The following LRRC8C variants were observed in gnomAD, a reference collection of about 807,000 sequenced individuals.
LRRC8C encodes the protein leucine rich repeat containing 8 VRAC subunit C, also known as volume-regulated anion channel subunit LRRC8C.
In LRRC8C, 20 loss-of-function variants were observed where a neutral mutation model predicts 55.3. The ratio of observed to expected loss-of-function variants is 0.36; its 90% confidence interval spans 0.25 to 0.53. The LOEUF (loss-of-function observed/expected upper bound fraction) is 0.53. Ranked by LOEUF, LRRC8C falls within the 20% of genes least tolerant of loss-of-function variation. The pLI is 0.92. For synonymous variants in LRRC8C, 376 were observed against 360.7 expected (o/e 1.04, Z -0.48); for missense variants, 659 against 951.4 (o/e 0.69, Z 4.04).
In LRRC8C at chr1:89,713,034, T is replaced by C. The variant is rs1658701253; in HGVS notation, c.464T>C (p.Ile155Thr). 6.2e-7 allele frequency: 1 copy of C among 1,614,094 alleles called. No homozygotes were observed. Among genetic ancestry groups the C allele is most frequent in the Admixed American group, 1.7e-5 (1 of 60,012 alleles). ...AAATTCCCTGGTTCCAGCTCCAAAATAGAACATTTCATCTCCATTCTGGGG... is the reference window on the plus strand; with the variant it reads ...AAATTCCCTGGTTCCAGCTCCAAAACAGAACATTTCATCTCCATTCTGGGG... ...WFKFPGSSSK[I>T]EHFISILGKC... is the part of the protein sequence containing the mutation. Residue 155 changes from isoleucine (I) to threonine (T), a missense_variant, in exon 3 of 3, where the codon ATA becomes ACA. Ile to Thr is a moderately conservative substitution (Grantham distance 89, BLOSUM62 -1). Transcript: ENST00000370454. This position sits in a 1 kb window ranked among gnomAD's most constrained non-coding sequence, Gnocchi z 5.2.
At chr1:89,685,968 A>G (rs1295227368) in intron 1 of LRRC8C, among the ~76,000 whole-genome samples, 1 of 152,278 alleles carries the variant, frequency 6.6e-6, no homozygotes, top group South Asian at 2.1e-4. Context: ...TTTCCCATGG[A>G]ACAAGCAAAA....
At chr1:89,643,711 C>G (rs1656534858) in intron 1 of LRRC8C, among the ~76,000 whole-genome samples, 1 of 152,126 alleles carries the variant, frequency 6.6e-6, no homozygotes, top group Non-Finnish European at 1.5e-5. Flanking sequence ...TTTATTGTCA[C>G]AGCTTTTCCT....
intron 1 of LRRC8C, among the ~76,000 whole-genome samples, chr1:89,656,579 A>T (rs903546855): frequency 5.9e-5 from 9 of 152,144 alleles, no homozygotes; most frequent in Non-Finnish European, 1.3e-4. Context: ...CATTTCACAG[A>T]GTTTGGTTTC....
At chr1:89,620,337 A>T in the LRRC8C span, among the ~76,000 whole-genome samples, 1 of 152,226 alleles carries the variant, frequency 6.6e-6, no homozygotes, top group Non-Finnish European at 1.5e-5. Flanking sequence ...ACCATAGGAA[A>T]GCATTTACAG....
chr1:89,702,277 G>A (rs148843593), intron 2 of LRRC8C, among the ~76,000 whole-genome samples: 133 of 151,962 alleles, frequency 8.8e-4, no homozygotes, highest in East Asian at 7.7e-3. Context: ...CTCAGGATGC[G>A]TCTACCACCC....
At chr1:89,707,651 AGTGTGTGTGT>A (rs34052147) in intron 2 of LRRC8C, among the ~76,000 whole-genome samples, 1 of 139,964 alleles carries the variant, frequency 7.1e-6, no homozygotes, top group African/African-American at 3.1e-5. Flanking sequence ...TGTGTGTGTG[AGTGTGTGTGT>A]GTGTGTGTGT....
At chr1:89,687,623 A>AT (rs1181938585) in intron 2 of LRRC8C, among the ~76,000 whole-genome samples, 1 of 152,222 alleles carries the variant, frequency 6.6e-6, no homozygotes, top group Non-Finnish European at 1.5e-5. Flanking sequence ...AGGGGCAGCC[A>AT]TAAGGACAGA....
intron 1 of LRRC8C, among the ~76,000 whole-genome samples, chr1:89,649,367 T>A (rs1656697674): frequency 6.6e-6 from 1 of 152,204 alleles, no homozygotes; most frequent in Non-Finnish European, 1.5e-5. Context: ...AAAGTTCTAG[T>A]TAAATATGGA....
the LRRC8C span, among the ~76,000 whole-genome samples, chr1:89,619,063 T>C: frequency 1.3e-5 from 2 of 152,242 alleles, no homozygotes; most frequent in South Asian, 2.1e-4. Context: ...TATCCCTTTA[T>C]AGATCATGTA....
intron 1 of LRRC8C, among the ~76,000 whole-genome samples, chr1:89,669,324 T>G (rs1438440350): frequency 6.6e-6 from 1 of 152,142 alleles, no homozygotes; most frequent in Non-Finnish European, 1.5e-5. Flanking sequence ...GGCATAAAGT[T>G]TCTGTTTGCA....
intron 1 of LRRC8C, among the ~76,000 whole-genome samples, chr1:89,662,567 G>A (rs1406821142): frequency 1.3e-5 from 2 of 152,100 alleles, no homozygotes; most frequent in African/African-American, 4.8e-5. Context: ...AGATGATGGT[G>A]GCTTGGATCG....
the LRRC8C span, among the ~76,000 whole-genome samples, chr1:89,619,876 C>G: frequency 6.6e-6 from 1 of 152,078 alleles, no homozygotes; most frequent in Non-Finnish European, 1.5e-5. Context: ...TATAATTACC[C>G]CCATTTATTT....
intron 1 of LRRC8C, among the ~76,000 whole-genome samples, chr1:89,659,798 A>G (rs1464945426): frequency 1.3e-5 from 2 of 152,210 alleles, no homozygotes; most frequent in Admixed American, 1.3e-4. Flanking sequence ...CATGTGGACT[A>G]GCTCTGTGTC....
chr1:89,678,078 C>T (rs772914091), intron 1 of LRRC8C, among the ~76,000 whole-genome samples: 3 of 152,196 alleles, frequency 2.0e-5, no homozygotes, highest in Non-Finnish European at 2.9e-5. Flanking sequence ...CATTTCTGTT[C>T]GTTACCTCTT....
At chr1:89,677,849 AAC>A (rs1657592357) in intron 1 of LRRC8C, among the ~76,000 whole-genome samples, 1 of 152,360 alleles carries the variant, frequency 6.6e-6, no homozygotes, top group East Asian at 1.9e-4. Context: ...TGTACAATAA[AAC>A]ACAATCTACA....
Position 89,714,514 on chromosome 1 carries a change from C to T in LRRC8C, c.1944C>T (p.Ser648=). Residue 648 remains serine, a synonymous_variant, in exon 3 of 3, where the codon AGC becomes AGT. Coordinates refer to ENST00000370454, the MANE Select transcript of LRRC8C (RefSeq NM_032270.5). This position sits in a 1 kb window ranked among gnomAD's most constrained non-coding sequence, Gnocchi z 4.6. ...KLTVLKLWHN[S]ITYIPEHIKK... ...CAGTGCTAAAACTGTGGCATAACAG[C>T]ATCACCTACATCCCAGAGCATATAA... is the stretch of plus-strand genomic sequence containing the variant. The T allele has an allele frequency of 6.2e-7, 1 of 1,614,194 alleles. No individual in the cohort carries two copies. Among genetic ancestry groups the T allele is most frequent in the Non-Finnish European group, 8.5e-7 (1 of 1,180,026 alleles).
chr1:89,709,351 C>T (rs924569341), intron 2 of LRRC8C, among the ~76,000 whole-genome samples: 2 of 152,214 alleles, frequency 1.3e-5, no homozygotes, highest in African/African-American at 4.8e-5. Context: ...TGACCTACTT[C>T]TCCAGCATGG....
At chr1:89,618,592 G>A in the LRRC8C span, among the ~76,000 whole-genome samples, 1 of 152,184 alleles carries the variant, frequency 6.6e-6, no homozygotes, top group Non-Finnish European at 1.5e-5. Flanking sequence ...AGTGATGAGA[G>A]CAAAACTAGA....
chr1:89,644,547 T>G (rs1041364231), intron 1 of LRRC8C, among the ~76,000 whole-genome samples: 4 of 152,154 alleles, frequency 2.6e-5, no homozygotes, highest in African/African-American at 9.7e-5. Flanking sequence ...TGGATGAGAT[T>G]TGAATTATGA....
Sources: allele counts gnomAD v4.1 joint callset (sites outside exome capture counted in the v4.1 genomes callset), GRCh38; gene constraint gnomAD v4.1.1; non-coding constraint Gnocchi (gnomAD v3.1); transcripts MANE v1.5; gene names NCBI Gene and HGNC (gene_info 2026-07-23, HGNC 2026-07-21).